The following FSHR variants were observed in gnomAD, a reference collection of about 807,000 sequenced individuals.
FSHR encodes follicle-stimulating hormone receptor.
FSHR carries 46 observed loss-of-function variants against 52.1 expected under a neutral mutation model. The ratio of observed to expected loss-of-function variants is 0.88; its 90% CI spans 0.70 to 1.13. FSHR has a LOEUF of 1.13. FSHR is among the 50% of genes most tolerant of loss of function. The pLI, the probability that FSHR is intolerant of heterozygous loss-of-function variation, is 0.00. For synonymous variants in FSHR, 399 were observed against 309.6 expected (o/e 1.29, Z -3.03); for missense variants, 964 against 834.6 (o/e 1.16, Z -1.91).
At chr2:48,980,074 G>C (rs750319637) in intron 8 of FSHR, among the ~76,000 whole-genome samples, 5 of 152,210 alleles carry the variant, frequency 3.3e-5, no homozygotes, top group Admixed American at 2.6e-4. Flanking sequence ...AGGTCAGCAG[G>C]GGGAGAGGCT....
chr2:49,049,851 A>ATATATATATATAT (rs1668791622), intron 2 of FSHR, among the ~76,000 whole-genome samples: 3 of 143,708 alleles, frequency 2.1e-5, no homozygotes, highest in African/African-American at 7.7e-5. Context: ...ATATATATAT[A>ATATATATATATAT]ATAAAAACCA....
intron 1 of FSHR, among the ~76,000 whole-genome samples, chr2:49,133,194 C>T (rs545330144): frequency 5.3e-5 from 8 of 152,102 alleles, no homozygotes; most frequent in South Asian, 4.1e-4. Context: ...GTTGCTGAGG[C>T]TAAGTCCTGT....
chr2:49,014,260 A>AG (rs1667400537), intron 4 of FSHR, among the ~76,000 whole-genome samples: 1 of 152,166 alleles, frequency 6.6e-6, no homozygotes. Flanking sequence ...TTCCTTAGAA[A>AG]GCAGGTTTAA....
intron 8 of FSHR, among the ~76,000 whole-genome samples, chr2:48,973,657 A>T (rs1004839416): frequency 6.6e-6 from 1 of 152,172 alleles, no homozygotes; most frequent in African/African-American, 2.4e-5. Context: ...TTTGTATTTT[A>T]TCTCTCCTTG....
chr2:49,012,791 G>A (rs1479198139), intron 4 of FSHR, among the ~76,000 whole-genome samples: 2 of 151,958 alleles, frequency 1.3e-5, no homozygotes, highest in East Asian at 1.9e-4. Flanking sequence ...ATCTGAAATC[G>A]TTGCCATCTA....
intron 8 of FSHR, among the ~76,000 whole-genome samples, chr2:48,980,523 TG>T (rs1675199461): frequency 6.6e-6 from 1 of 152,188 alleles, no homozygotes; most frequent in Non-Finnish European, 1.5e-5. Context: ...GCCTGGAATC[TG>T]CTTGTGCAAC....
chr2:49,014,744 G>T, intron 4 of FSHR: 1 of 277,000 alleles, frequency 3.6e-6, no homozygotes, highest in Non-Finnish European at 7.4e-6. Flanking sequence ...TCATGGGCTA[G>T]GGATATCTAT....
intron 1 of FSHR, among the ~76,000 whole-genome samples, chr2:49,085,721 C>G (rs2103672390): frequency 6.6e-6 from 1 of 152,218 alleles, no homozygotes; most frequent in Admixed American, 6.5e-5. Context: ...ACCCAAATGT[C>G]CAACAATGAT....
At chr2:49,068,163 G>T in intron 2 of FSHR, 56 bp downstream of exon 2, 2 of 1,341,008 alleles carry the variant, frequency 1.5e-6, no homozygotes, top group Non-Finnish European at 2.1e-6. Flanking sequence ...TGTGGTCTGA[G>T]GTTGCTCCCT....
intron 1 of FSHR, among the ~76,000 whole-genome samples, chr2:49,073,856 A>G (rs367893230): frequency 2.0e-5 from 3 of 152,112 alleles, no homozygotes; most frequent in East Asian, 3.9e-4. Flanking sequence ...GACCAGAAGA[A>G]CAGACTAGAG....
Position 48,978,738 on chromosome 2 carries a change from G to T in FSHR, c.668+4174C>A, listed in dbSNP as rs745629829. ...ATGCTGAGCTGCTCCTCTGAAACTC[G>T]ATGAAACTTGTTTGTATGCCCCTGG... On this transcript the variant is annotated intron_variant, in intron 8 of 9. Transcript: ENST00000406846. 3.3e-5 allele frequency among the ~76,000 whole-genome samples: 5 copies of T among 152,180 alleles called. No homozygotes were observed. The East Asian group carries it at 7.7e-4, about 23-fold the overall frequency.
chr2:49,048,883 A>G (rs1049612473), intron 2 of FSHR, among the ~76,000 whole-genome samples: 9 of 152,210 alleles, frequency 5.9e-5, no homozygotes, highest in Non-Finnish European at 1.5e-5. Flanking sequence ...GAAGGTGGAC[A>G]GGCAAGAGGG....
chr2:49,037,111 C>T (rs892280077), intron 2 of FSHR, among the ~76,000 whole-genome samples: 4 of 152,084 alleles, frequency 2.6e-5, no homozygotes, highest in Non-Finnish European at 5.9e-5. Context: ...GGAAAATCTT[C>T]CCATTAGAGA....
chr2:49,099,140 A>G (rs930053025), intron 1 of FSHR, among the ~76,000 whole-genome samples: 3 of 151,986 alleles, frequency 2.0e-5, no homozygotes, highest in Non-Finnish European at 2.9e-5. Context: ...AGTCTTTGAC[A>G]TGGTTTAAAT....
intron 4 of FSHR, among the ~76,000 whole-genome samples, chr2:49,010,719 C>G (rs770105452): frequency 1.4e-4 from 21 of 152,112 alleles, no homozygotes; most frequent in Non-Finnish European, 2.6e-4. Flanking sequence ...TGTTATTGGT[C>G]TATTCAGAGA....
chr2:49,152,419 T>C lies in FSHR; in HGVS notation c.152+1847A>G, dbSNP rs570641468. 2.3e-3 allele frequency among the ~76,000 whole-genome samples: 346 copies of C among 152,258 alleles called. 2 individuals carry two copies. Among genetic ancestry groups the C allele is most frequent in the Non-Finnish European group, 3.8e-3 (257 of 68,010 alleles). ...CATTACTTTTTTTCAAAAATTCATA[T>C]CCTCTCATAGTAATTCATACAAATA... On this transcript the variant is annotated intron_variant, in intron 1 of 9. Coordinates refer to ENST00000406846, the MANE Select transcript of FSHR (RefSeq NM_000145.4).
At chr2:49,129,705 A>C (rs533945812) in intron 1 of FSHR, among the ~76,000 whole-genome samples, 2 of 152,348 alleles carry the variant, frequency 1.3e-5, no homozygotes, top group African/African-American at 2.4e-5. Context: ...GTTTTCAAAT[A>C]TAAAGGATAC....
At chr2:48,969,918 G>A (rs914686259) in intron 8 of FSHR, among the ~76,000 whole-genome samples, 1 of 152,204 alleles carries the variant, frequency 6.6e-6, no homozygotes, top group Non-Finnish European at 1.5e-5. Context: ...CTTGGACCTG[G>A]TGGGGCCAAC....
chr2:49,027,456 T>C (rs915555506), intron 2 of FSHR, among the ~76,000 whole-genome samples: 3 of 152,192 alleles, frequency 2.0e-5, no homozygotes, highest in Admixed American at 2.0e-4. Flanking sequence ...TATGAGTCTA[T>C]CCCTACCTGG....
Sources: allele counts gnomAD v4.1 joint callset (sites outside exome capture counted in the v4.1 genomes callset), GRCh38; gene constraint gnomAD v4.1.1; transcripts MANE v1.5; gene names NCBI Gene and HGNC (gene_info 2026-07-23, HGNC 2026-07-21).